The following KLHL32 variants were observed in gnomAD, a reference collection of about 807,000 sequenced individuals.
The protein encoded by KLHL32 is kelch like family member 32.
KLHL32 carries 35 observed loss-of-function variants against 64.8 expected under a neutral mutation model. The observed-to-expected ratio is 0.54, with a 90% confidence interval of 0.41 to 0.72. KLHL32 has a LOEUF of 0.72. Among genes scored for constraint, KLHL32 ranks in the 30% least tolerant of loss-of-function variants. The pLI is 0.00. For missense variants in KLHL32, 589 were observed against 768.5 expected (o/e 0.77, Z 2.76); for synonymous variants, 259 against 281.0 (o/e 0.92, Z 0.78).
chr6:96,977,818 A>T (rs1369072793), intron 3 of KLHL32, among the ~76,000 whole-genome samples: 1 of 152,242 alleles, frequency 6.6e-6, no homozygotes, highest in African/African-American at 2.4e-5. Flanking sequence ...TGTAGAAGAT[A>T]AAGAGGTAAT....
intron 6 of KLHL32, among the ~76,000 whole-genome samples, chr6:97,093,216 G>A (rs1039506012): frequency 2.0e-5 from 3 of 152,082 alleles, no homozygotes; most frequent in African/African-American, 7.2e-5. Flanking sequence ...CCATATATGA[G>A]GTAGAAACCC....
chr6:96,990,030 A>G (rs1208989677), intron 3 of KLHL32, among the ~76,000 whole-genome samples: 2 of 152,116 alleles, frequency 1.3e-5, no homozygotes, highest in Admixed American at 6.5e-5. Flanking sequence ...TTGGGTTTCA[A>G]CTTTCTCCTG....
chr6:97,099,970 T>TCCCA, intron 6 of KLHL32, among the ~76,000 whole-genome samples: 1 of 151,756 alleles, frequency 6.6e-6, no homozygotes, highest in Non-Finnish European at 1.5e-5. Context: ...CATGGTGAGA[T>TCCCA]CCCATCTCTA....
At chr6:96,996,316 G>C (rs1378968900) in intron 3 of KLHL32, among the ~76,000 whole-genome samples, 1 of 152,142 alleles carries the variant, frequency 6.6e-6, no homozygotes, top group Non-Finnish European at 1.5e-5. Context: ...TCCGTTAGAG[G>C]CTGGGCGTGC....
At chr6:97,012,853 T>C (rs1275215334) in intron 3 of KLHL32, among the ~76,000 whole-genome samples, 1 of 152,244 alleles carries the variant, frequency 6.6e-6, no homozygotes, top group Middle Eastern at 3.2e-3. Flanking sequence ...TCAGAAGGAT[T>C]TGACATGTTT....
chr6:97,103,212 T>C (rs1011084182), intron 6 of KLHL32, among the ~76,000 whole-genome samples: 2 of 129,380 alleles, frequency 1.5e-5, no homozygotes, highest in Non-Finnish European at 3.2e-5. Context: ...CTTGAATTTA[T>C]CTTTTTTTTT....
intron 1 of KLHL32, among the ~76,000 whole-genome samples, chr6:96,934,527 A>G (rs1770338210): frequency 6.6e-6 from 1 of 152,230 alleles, no homozygotes; most frequent in Admixed American, 6.5e-5. Flanking sequence ...CATTTAAACA[A>G]CACAAACAAT....
chr6:96,999,245 A>C (rs1379509239), intron 3 of KLHL32, among the ~76,000 whole-genome samples: 1 of 152,066 alleles, frequency 6.6e-6, no homozygotes, highest in African/African-American at 2.4e-5. Flanking sequence ...AAAATTAGAA[A>C]ATTAGCTGGG....
intron 1 of KLHL32, among the ~76,000 whole-genome samples, chr6:96,946,381 T>G: frequency 6.6e-6 from 1 of 152,094 alleles, no homozygotes; most frequent in East Asian, 1.9e-4. Context: ...ATTTGCCATG[T>G]TTATTGTTTG....
At chr6:97,060,191 T>C (rs760303949) in intron 4 of KLHL32, among the ~76,000 whole-genome samples, 6 of 151,576 alleles carry the variant, frequency 4.0e-5, no homozygotes, top group Non-Finnish European at 8.8e-5. Context: ...GATCTGAAGA[T>C]ACAAAATTTT....
Position 97,130,863 on chromosome 6 carries a change from A to G in KLHL32, c.1520A>G (p.Asn507Ser), listed in dbSNP as rs1160384969. 1.9e-6 allele frequency: 3 copies of G among 1,614,162 alleles called. No homozygotes were observed. The highest frequency in any genetic ancestry group is 1.7e-5 in the Admixed American group (1 of 60,020). ...YVLGGNDLDYNNDRILVRHID... is the reference protein window; with the variant it reads ...YVLGGNDLDYSNDRILVRHID... ...CTTGGAGGCAATGACCTAGACTACAATAATGACCGGATCCTTGTGCGCCAT... is the reference window on the plus strand; with the variant it reads ...CTTGGAGGCAATGACCTAGACTACAGTAATGACCGGATCCTTGTGCGCCAT... The change falls in exon 9 of 11, where the codon AAT (asparagine) becomes AGT (serine). Residue 507 changes from asparagine (N) to serine (S), a missense_variant. Physicochemically the swap from Asn to Ser is conservative, Grantham distance 46 (BLOSUM62 1). Coordinates refer to ENST00000369261, the MANE Select transcript of KLHL32 (RefSeq NM_052904.4).
chr6:97,123,183 GT>G lies in KLHL32; in HGVS notation c.1355-4216del, dbSNP rs777108219. Among the ~76,000 whole-genome samples the G allele has an allele frequency of 5.3e-4, 80 of 152,270 alleles. 1 individual carries two copies. Among genetic ancestry groups the G allele is most frequent in the Non-Finnish European group, 9.3e-4 (63 of 68,020 alleles). On this transcript the variant is annotated intron_variant, in intron 7 of 10. Transcript: ENST00000369261. ...AGTCTGACCATGTACAATGAGAGCAGTTTTTCTACACACTCTATTTTATGAG... is the reference window on the plus strand; with the variant it reads ...AGTCTGACCATGTACAATGAGAGCAGTTTTCTACACACTCTATTTTATGAG...
At chr6:97,038,781 A>G (rs942081996) in intron 3 of KLHL32, among the ~76,000 whole-genome samples, 10 of 152,102 alleles carry the variant, frequency 6.6e-5, no homozygotes, top group Non-Finnish European at 1.0e-4. Context: ...ACTGTTCACA[A>G]TAGTCAAAAT....
At chr6:97,096,673 T>C (rs902460630) in intron 6 of KLHL32, among the ~76,000 whole-genome samples, 2 of 152,276 alleles carry the variant, frequency 1.3e-5, no homozygotes, top group Admixed American at 6.5e-5. Context: ...TTCCTACCAA[T>C]TGTGGTTCCC....
chr6:96,985,758 C>A (rs192752423), intron 3 of KLHL32, among the ~76,000 whole-genome samples: 29 of 152,048 alleles, frequency 1.9e-4, no homozygotes, highest in East Asian at 1.5e-3. Context: ...ATTGGTTATT[C>A]TAGTTAGCCA....
At chr6:96,916,386 T>C in the KLHL32 span, among the ~76,000 whole-genome samples, 245 of 152,334 alleles carry the variant, frequency 1.6e-3, no homozygotes, top group Admixed American at 3.5e-3. Flanking sequence ...TCAGGACATA[T>C]TTAGTTTGCT....
At chr6:97,002,540 A>C (rs983224352) in intron 3 of KLHL32, among the ~76,000 whole-genome samples, 2 of 152,178 alleles carry the variant, frequency 1.3e-5, no homozygotes, top group Non-Finnish European at 2.9e-5. Context: ...ATTGTGCGTC[A>C]TAGGAGTTTG....
chr6:96,991,955 C>A (rs1777925708), intron 3 of KLHL32, among the ~76,000 whole-genome samples: 1 of 152,176 alleles, frequency 6.6e-6, no homozygotes, highest in South Asian at 2.1e-4. Flanking sequence ...TGTGCTCCCT[C>A]CCCAGCCTGA....
At position 96,967,049 on chromosome 6, in the gene KLHL32, C is replaced by G; in HGVS notation, c.-12C>G. 3 of 1,613,502 alleles carry G rather than the reference C, an allele frequency of 1.9e-6. No individual in the cohort carries two copies. Among genetic ancestry groups the G allele is most frequent in the Non-Finnish European group, 2.5e-6 (3 of 1,179,604 alleles). ...CTTCTAAGGCTGAGAACCTGAGGAA[C>G]CCAGCTGGAAAATGCCGTCTGAACG... On this transcript the variant is annotated 5_prime_UTR_variant, in exon 2 of 11. Transcript: ENST00000369261.
Sources: allele counts gnomAD v4.1 joint callset (sites outside exome capture counted in the v4.1 genomes callset), GRCh38; gene constraint gnomAD v4.1.1; transcripts MANE v1.5; gene names NCBI Gene and HGNC (gene_info 2026-07-23, HGNC 2026-07-21).